The following CPAMD8 variants were observed in gnomAD, a reference collection of about 807,000 sequenced individuals.
CPAMD8 encodes C3 and PZP-like alpha-2-macroglobulin domain-containing protein 8.
A neutral mutation model predicts 224.7 loss-of-function variants in CPAMD8; 146 were observed. The observed-to-expected ratio is 0.65, with a 90% CI of 0.57 to 0.75. The LOEUF (loss-of-function observed/expected upper bound fraction) is 0.75, where lower values mean the gene tolerates loss of function less well. Among genes scored for constraint, CPAMD8 ranks in the 30% least tolerant of loss-of-function variants. CPAMD8 has a pLI of 0.00. For synonymous variants in CPAMD8, 966 were observed against 1,044.6 expected, an observed-to-expected ratio of 0.92 and a Z score of 1.45; for missense variants, 2,301 against 2,537.5, an observed-to-expected ratio of 0.91 and a Z score of 2.00.
intron 13 of CPAMD8, among the ~76,000 whole-genome samples, chr19:16,986,388 C>G (rs755463980): frequency 6.6e-6 from 1 of 152,112 alleles, no homozygotes; most frequent in Non-Finnish European, 1.5e-5. Flanking sequence ...AGAGCCAGGT[C>G]TCCCCCTAAT....
chr19:16,932,798 T>G (rs1486707286), intron 23 of CPAMD8, among the ~76,000 whole-genome samples: 1 of 152,110 alleles, frequency 6.6e-6, no homozygotes, highest in Non-Finnish European at 1.5e-5. Context: ...AGCTGAAAAC[T>G]TCCCAAGTCT....
chr19:16,954,390 G>A (rs1417722455), intron 19 of CPAMD8, among the ~76,000 whole-genome samples: 1 of 151,916 alleles, frequency 6.6e-6, no homozygotes, highest in East Asian at 1.9e-4. Flanking sequence ...CTGAGGATGT[G>A]GTAAGATTGG....
chr19:16,949,409 G>A (rs1009110281), intron 20 of CPAMD8, among the ~76,000 whole-genome samples: 1 of 152,128 alleles, frequency 6.6e-6, no homozygotes. Context: ...TTTGGAAACC[G>A]AGATCCTATT....
At chr19:16,910,455 C>G (rs187947113) in intron 29 of CPAMD8, 1 of 138,658 alleles carries the variant, frequency 7.2e-6, no homozygotes, top group East Asian at 2.2e-4. Flanking sequence ...CAGGCAGGAG[C>G]CACTGGGCCC....
chr19:16,946,810 C>T (rs189485909), intron 21 of CPAMD8, among the ~76,000 whole-genome samples: 1 of 152,136 alleles, frequency 6.6e-6, no homozygotes, highest in African/African-American at 2.4e-5. Context: ...TGTGTGTATG[C>T]ATGTCTGCAT....
At chr19:17,011,878 G>A in intron 3 of CPAMD8, 121 bp from the exon 4 acceptor site, 1 of 1,107,860 alleles carries the variant, frequency 9.0e-7, no homozygotes, top group Non-Finnish European at 1.3e-6. Flanking sequence ...TGTGCCCCAG[G>A]GGGACACTTG....
chr19:16,945,593 C>A lies in CPAMD8; in HGVS notation c.2749G>T (p.Val917Phe), dbSNP rs762463774. 9.3e-6 allele frequency: 15 copies of A among 1,614,204 alleles called. No homozygotes were observed. The highest frequency in any genetic ancestry group is 3.3e-5 in the Admixed American group (2 of 60,036). ...HPEENHADRR[V>F]PIGVDHVRRS... ...CTGACGTGATCCACCCCGATGGGGACCCTCCTGTCGGCGTGATTCTCCTCA... is the reference window on the plus strand; with the variant it reads ...CTGACGTGATCCACCCCGATGGGGAACCTCCTGTCGGCGTGATTCTCCTCA... Residue 917 changes from valine to phenylalanine, a missense_variant, in exon 22 of 42, where the codon GTC becomes TTC. Val to Phe is a conservative substitution (Grantham distance 50). Transcript: ENST00000443236.
chr19:16,905,546 AAAAAAAAAAAAAAGGAAGAAAAG>A (rs1568457953), intron 30 of CPAMD8, among the ~76,000 whole-genome samples: 23 of 145,696 alleles, frequency 1.6e-4, no homozygotes, highest in South Asian at 4.5e-4. Flanking sequence ...GTTTCAAAAA[AAAAAAAAAAAAAAGGAAGAAAAG>A]AAAAAAAAAA....
At position 16,909,537 on chromosome 19, in the gene CPAMD8, C is replaced by T. The variant is rs369114440; in HGVS notation, c.3862-2420G>A. ...CCAGCCTGGGCAACAGAGCGAGACTCCATCTCAAAAAGGGAAAACAAACAA... is the reference window on the plus strand; with the variant it reads ...CCAGCCTGGGCAACAGAGCGAGACTTCATCTCAAAAAGGGAAAACAAACAA... On this transcript the variant is annotated intron_variant, in intron 29 of 41. Coordinates refer to ENST00000443236, the MANE Select transcript of CPAMD8 (RefSeq NM_015692.5). 2.0e-3 allele frequency among the ~76,000 whole-genome samples: 298 copies of T among 151,852 alleles called. 4 individuals carry two copies. Among genetic ancestry groups the T allele is most frequent in the Middle Eastern group, 6.8e-3 (2 of 294 alleles).
chr19:16,973,189 T>C (rs754230979), intron 17 of CPAMD8, among the ~76,000 whole-genome samples: 17 of 151,940 alleles, frequency 1.1e-4, no homozygotes, highest in Non-Finnish European at 2.4e-4. Context: ...AAATAAGAGA[T>C]TTTTTTGTTT....
At chr19:17,000,678 A>G (rs1251127890) in intron 9 of CPAMD8, among the ~76,000 whole-genome samples, 156 bp from the exon 10 acceptor site, 1 of 152,202 alleles carries the variant, frequency 6.6e-6, no homozygotes, top group African/African-American at 2.4e-5. Flanking sequence ...CCCTCCCTGC[A>G]GCCTGGAATC....
intron 1 of CPAMD8, 72 bp from the exon 2 acceptor site, chr19:17,022,253 A>G (rs2056979943): frequency 6.5e-7 from 1 of 1,535,112 alleles, no homozygotes; most frequent in Non-Finnish European, 8.8e-7. Flanking sequence ...CAGCTAGGTC[A>G]GGGCTCTCCT....
intron 32 of CPAMD8, 50 bp downstream of exon 32, chr19:16,904,176 A>ACCGCC: frequency 2.1e-6 from 2 of 937,340 alleles, no homozygotes; most frequent in Non-Finnish European, 3.3e-6. Flanking sequence ...GACTGCAGGG[A>ACCGCC]CCCCACCCAC....
chr19:16,921,018 G>C (rs2053154502), intron 27 of CPAMD8, among the ~76,000 whole-genome samples: 1 of 152,096 alleles, frequency 6.6e-6, no homozygotes, highest in Non-Finnish European at 1.5e-5. Context: ...GCTAAGACGT[G>C]ATTGGGGCCT....
At chr19:16,925,485 C>G in intron 25 of CPAMD8, 113 bp from the exon 26 acceptor site, 1 of 857,246 alleles carries the variant, frequency 1.2e-6, no homozygotes, top group Non-Finnish European at 1.9e-6. Context: ...AGCCACCCAA[C>G]TGCCCTTTGG....
At chr19:16,896,078 AGGAGTCGGGGCAGGTCGTCGGG>A in intron 41 of CPAMD8, 76 bp downstream of exon 41, 1 of 1,270,110 alleles carries the variant, frequency 7.9e-7, no homozygotes, top group Non-Finnish European at 1.1e-6. Context: ...GGCGGGGCGG[AGGAGTCGGGGCAGGTCGTCGGG>A]GGAGGTTGGT....
At chr19:16,903,920 C>A in intron 32 of CPAMD8, 63 bp from the exon 33 acceptor site, 2 of 1,529,222 alleles carry the variant, frequency 1.3e-6, no homozygotes, top group Non-Finnish European at 9.0e-7. Flanking sequence ...GTCCCCTGAA[C>A]CCCGTCTTGG....
chr19:16,997,383 T>G, intron 10 of CPAMD8, 45 bp from the exon 11 acceptor site: 1 of 1,156,992 alleles, frequency 8.6e-7, no homozygotes. Flanking sequence ...AGGGTTGGAG[T>G]GTCTTTGAGG....
intron 14 of CPAMD8, among the ~76,000 whole-genome samples, chr19:16,978,190 G>A (rs940814462): frequency 2.6e-5 from 4 of 152,098 alleles, no homozygotes; most frequent in African/African-American, 4.8e-5. Context: ...GGGAAAGCGG[G>A]GACACAAGGA....
Sources: gnomAD v4.1 joint callset for allele counts (sites outside exome capture counted in the v4.1 genomes callset) on GRCh38, gnomAD v4.1.1 for gene constraint, MANE v1.5 for transcripts, NCBI Gene and HGNC (gene_info 2026-07-23, HGNC 2026-07-21) for gene names.